HROB: variants seen among roughly 807,000 people sequenced by gnomAD.
HROB encodes homologous recombination factor with OB-fold, also known as homologous recombination OB-fold protein.
Under a neutral mutation model 61.0 loss-of-function variants are expected in HROB, and 44 were observed. The ratio of observed to expected loss-of-function variants is 0.72; its 90% CI spans 0.57 to 0.93. HROB has a LOEUF of 0.93. Among genes scored for constraint, HROB ranks in the 40% least tolerant of loss-of-function variants. The probability of loss-of-function intolerance (pLI) is 0.00; values close to 1 mark genes in which losing one functional copy is unlikely to be tolerated. For missense variants in HROB, 716 were observed against 796.2 expected (o/e 0.90, Z 1.21); for synonymous variants, 301 against 310.4 (o/e 0.97, Z 0.32).
In HROB at chr17:44,148,443, G is replaced by A. The variant is rs764010009; in HGVS notation, c.640G>A (p.Val214Met). ...GAGTGGATCTTGCCAGAAGGGGCCT[G>A]TGCCTGCCATCCACAAAGCGGGTAT... ...DLSGSCQKGP[V>M]PAIHKAGIMS... Residue 214 changes from valine to methionine, a missense_variant, in exon 3 of 10, where the codon GTG becomes ATG. Physicochemically the swap from Val to Met is conservative, Grantham distance 21. Transcript: ENST00000585683. 3.7e-6 allele frequency: 6 copies of A among 1,614,038 alleles called. No individual in the cohort carries two copies. The East Asian group carries it at 8.9e-5, about 24-fold the overall frequency.
intron 5 of HROB, among the ~76,000 whole-genome samples, 176 bp downstream of exon 5, chr17:44,152,953 T>C (rs547110001): frequency 2.0e-5 from 3 of 152,260 alleles, no homozygotes; most frequent in African/African-American, 7.2e-5. Context: ...CTGTCATCCA[T>C]AGGATTGGGC....
intron 3 of HROB, among the ~76,000 whole-genome samples, 194 bp from the exon 4 acceptor site, chr17:44,150,767 G>A (rs747075493): frequency 1.3e-5 from 2 of 152,146 alleles, no homozygotes; most frequent in African/African-American, 4.8e-5. Context: ...GCTTCCTCAC[G>A]TTTTCAAACC....
In HROB at chr17:44,148,104, C is replaced by T; in HGVS notation, c.301C>T (p.Leu101=). ...SRPSCIGAAP[L]RPVSTSSSWI... ...TCCATCATGCATAGGAGCAGCTCCCCTAAGGCCTGTCTCTACTTCCAGCAG... is the reference window on the plus strand; with the variant it reads ...TCCATCATGCATAGGAGCAGCTCCCTTAAGGCCTGTCTCTACTTCCAGCAG... The change falls in exon 3 of 10, where the codon CTA becomes TTA. Residue 101 remains leucine, a synonymous_variant. Coordinates refer to ENST00000585683, the MANE Select transcript of HROB (RefSeq NM_001171251.3). 1 of 1,614,198 alleles carries T rather than the reference C, an allele frequency of 6.2e-7. No individual in the cohort carries two copies. Among genetic ancestry groups the T allele is most frequent in the Non-Finnish European group, 8.5e-7 (1 of 1,180,032 alleles).
At chr17:44,160,038 T>C (rs1418791243) in intron 9 of HROB, among the ~76,000 whole-genome samples, 2 of 152,218 alleles carry the variant, frequency 1.3e-5, no homozygotes, top group African/African-American at 4.8e-5. Flanking sequence ...TCCCAGGCAC[T>C]GGCGCTACCG....
chr17:44,159,988 G>A (rs915453779), intron 9 of HROB, among the ~76,000 whole-genome samples: 1 of 152,212 alleles, frequency 6.6e-6, no homozygotes, highest in Non-Finnish European at 1.5e-5. Flanking sequence ...ACTCCCCCAA[G>A]GAGAGTTCCC....
At chr17:44,155,904 C>T (rs1369303340) in intron 8 of HROB, among the ~76,000 whole-genome samples, 1 of 152,198 alleles carries the variant, frequency 6.6e-6, no homozygotes, top group African/African-American at 2.4e-5. Flanking sequence ...GGAACCGAGA[C>T]GAGCATTTGG....
chr17:44,145,082 C>G, intron 1 of HROB, 121 bp from the exon 2 acceptor site: 1 of 1,119,052 alleles, frequency 8.9e-7, no homozygotes, highest in South Asian at 1.4e-5. Context: ...CCAGCCGTAG[C>G]AAAAACAAAC....
intron 1 of HROB, among the ~76,000 whole-genome samples, chr17:44,143,094 C>T (rs897413696): frequency 1.3e-5 from 2 of 152,138 alleles, no homozygotes; most frequent in African/African-American, 2.4e-5. Flanking sequence ...GCACCACCAC[C>T]CCAGCTAACT....
chr17:44,161,802 A>G (rs2054148617), intron 9 of HROB, 69 bp from the exon 10 acceptor site: 1 of 1,550,458 alleles, frequency 6.4e-7, no homozygotes, highest in Admixed American at 1.7e-5. Context: ...AAGGGCAGAA[A>G]CTTTGGACCT....
intron 2 of HROB, 49 bp from the exon 3 acceptor site, chr17:44,147,809 G>T (rs774119507): frequency 4.6e-6 from 7 of 1,517,902 alleles, no homozygotes; most frequent in Non-Finnish European, 6.3e-6. Context: ...AAAGCAGAGG[G>T]GTTCTTGATT....
chr17:44,149,963 C>A (rs1307037162), intron 3 of HROB, among the ~76,000 whole-genome samples: 1 of 152,104 alleles, frequency 6.6e-6, no homozygotes, highest in African/African-American at 2.4e-5. Context: ...TGTGGCGGAG[C>A]GGGCGCTGTG....
At chr17:44,155,542 C>T in intron 8 of HROB, 131 bp downstream of exon 8, 1 of 1,373,612 alleles carries the variant, frequency 7.3e-7, no homozygotes, top group African/African-American at 1.5e-5. Context: ...GAAAAGGTAT[C>T]TTTGGGGACA....
chr17:44,159,958 T>G (rs2054085651), intron 9 of HROB, among the ~76,000 whole-genome samples: 1 of 152,224 alleles, frequency 6.6e-6, no homozygotes, highest in Admixed American at 6.5e-5. Context: ...CCACAAGAGC[T>G]GGTGGAGCAG....
At chr17:44,149,244 TTTTC>T (rs1252432166) in intron 3 of HROB, among the ~76,000 whole-genome samples, 2 of 135,548 alleles carry the variant, frequency 1.5e-5, no homozygotes, top group African/African-American at 6.5e-5. Flanking sequence ...TAATTTTCTT[TTTTC>T]TTCTCCTTTT....
intron 3 of HROB, 31 bp downstream of exon 3, chr17:44,149,058 G>T: frequency 6.3e-7 from 1 of 1,584,796 alleles, no homozygotes; most frequent in Non-Finnish European, 8.6e-7. Flanking sequence ...GGATTTGGTG[G>T]GCAAGGGAGA....
intron 4 of HROB, 85 bp downstream of exon 4, chr17:44,151,129 C>T: frequency 7.4e-7 from 1 of 1,352,974 alleles, no homozygotes; most frequent in Non-Finnish European, 1.0e-6. Flanking sequence ...GAATCAAGAG[C>T]TGATGCTGCT....
At chr17:44,154,805 C>T (rs759282435) in intron 6 of HROB, 48 bp from the exon 7 acceptor site, 5 of 1,608,340 alleles carry the variant, frequency 3.1e-6, no homozygotes, top group Non-Finnish European at 3.4e-6. Context: ...ATACCAGTCG[C>T]TGTGCTGCCC....
Position 44,154,492 on chromosome 17 carries a change from T to C in HROB, c.1450-64T>C, listed in dbSNP as rs187353694. 97 of 1,550,058 alleles carry C rather than the reference T, an allele frequency of 6.3e-5. No homozygotes were observed. In the African/African-American group the frequency reaches 1.2e-3, roughly 20 times the overall value. On this transcript the variant is annotated intron_variant, in intron 5 of 9. Coordinates refer to ENST00000585683, the MANE Select transcript of HROB (RefSeq NM_001171251.3). Reference sequence around the variant, plus strand: ...CTAACCCCGGTTGCCCTGGCACACTTGGAGACCTGGGAAGTCACAAGTGGG... The same window carrying C: ...CTAACCCCGGTTGCCCTGGCACACTCGGAGACCTGGGAAGTCACAAGTGGG...
Position 44,141,976 on chromosome 17 carries a change from C to A in HROB, c.-167C>A. 2 of 973,760 alleles carry A rather than the reference C, an allele frequency of 2.1e-6. No individual in the cohort carries two copies. The highest frequency in any genetic ancestry group is 1.5e-6 in the Non-Finnish European group (1 of 688,736). 60.3% of individuals were successfully genotyped at this position (973,760 alleles called of 1,614,324 possible). On this transcript the variant is annotated 5_prime_UTR_variant, in exon 1 of 10. Coordinates refer to ENST00000585683, the MANE Select transcript of HROB (RefSeq NM_001171251.3). Reference sequence around the variant, plus strand: ...GGCCTAAGGCGCCTGCCGCCAGTCTCCTGGCGACTTTCCCTATATCGCAGA... The same window carrying A: ...GGCCTAAGGCGCCTGCCGCCAGTCTACTGGCGACTTTCCCTATATCGCAGA...
Sources: allele counts gnomAD v4.1 joint callset (sites outside exome capture counted in the v4.1 genomes callset), GRCh38; gene constraint gnomAD v4.1.1; transcripts MANE v1.5; gene names NCBI Gene and HGNC (gene_info 2026-07-23, HGNC 2026-07-21).